The following PTPRD variants were observed in gnomAD, a reference collection of about 807,000 sequenced individuals.
PTPRD encodes the protein receptor-type tyrosine-protein phosphatase delta.
PTPRD carries 34 observed loss-of-function variants against 214.5 expected under a neutral mutation model. The ratio of observed to expected loss-of-function variants is 0.16; its 90% CI spans 0.12 to 0.21. The LOEUF (loss-of-function observed/expected upper bound fraction) is 0.21. Ranked by LOEUF, PTPRD falls within the 10% of genes least tolerant of loss-of-function variation. The pLI is 1.00. For missense variants in PTPRD, 2,545 were observed against 2,398.7 expected, an observed-to-expected ratio of 1.06 and a Z score of -1.27; for synonymous variants, 1,128 against 845.7, an observed-to-expected ratio of 1.33 and a Z score of -5.79.
intron 31 of PTPRD, among the ~76,000 whole-genome samples, chr9:8,468,227 G>A (rs980300709): frequency 3.3e-5 from 5 of 151,992 alleles, no homozygotes; most frequent in African/African-American, 1.2e-4. Context: ...AATCTCTGCA[G>A]GATGCTTCCT....
At position 8,981,551 on chromosome 9, in the gene PTPRD, G is replaced by C. The variant is rs565298837; in HGVS notation, c.-104+37146C>G. ...CTACTTGGCTAGGAATCTTTGTGGA[G>C]TGAAAGTGGTGCAACTGTATGTGGC... is the stretch of plus-strand genomic sequence containing the variant. On this transcript the variant is annotated intron_variant, in intron 11 of 45. Coordinates refer to ENST00000381196, the MANE Select transcript of PTPRD (RefSeq NM_002839.4). 3.3e-5 allele frequency among the ~76,000 whole-genome samples: 5 copies of C among 152,084 alleles called. No homozygotes were observed. In the South Asian group the frequency reaches 1.0e-3, roughly 32 times the overall value.
chr9:8,403,173 G>T (rs914431346), intron 36 of PTPRD, among the ~76,000 whole-genome samples: 1 of 152,162 alleles, frequency 6.6e-6, no homozygotes, highest in Non-Finnish European at 1.5e-5. Flanking sequence ...GAAGCAGGTA[G>T]GAGATGTGGT....
At chr9:8,504,533 C>CAATATATATTTT in intron 22 of PTPRD, 128 bp from the exon 23 acceptor site, 1 of 1,057,292 alleles carries the variant, frequency 9.5e-7, no homozygotes. Context: ...CCAAAAGAGT[C>CAATATATATTTT]AATAGTGAGT....
intron 3 of PTPRD, among the ~76,000 whole-genome samples, chr9:10,157,294 C>T (rs553004029): frequency 2.2e-4 from 34 of 152,306 alleles, no homozygotes; most frequent in Non-Finnish European, 3.7e-4. Flanking sequence ...ATATTTAGCG[C>T]TTCCTTCAGG....
At chr9:9,113,919 C>T (rs1204384296) in intron 10 of PTPRD, among the ~76,000 whole-genome samples, 2 of 152,066 alleles carry the variant, frequency 1.3e-5, no homozygotes, top group African/African-American at 4.8e-5. Flanking sequence ...CCAAAAAATG[C>T]TCTGATATTT....
intron 39 of PTPRD, among the ~76,000 whole-genome samples, chr9:8,354,794 CT>C (rs2076550021): frequency 6.6e-6 from 1 of 152,140 alleles, no homozygotes; most frequent in African/African-American, 2.4e-5. Context: ...GACAGTTTTC[CT>C]TGGAGCTCCC....
intron 34 of PTPRD, among the ~76,000 whole-genome samples, chr9:8,444,030 A>G (rs989027089): frequency 1.3e-5 from 2 of 152,066 alleles, no homozygotes; most frequent in African/African-American, 4.8e-5. Context: ...AGTATTTTGA[A>G]AAGTCTGTAA....
At chr9:9,587,673 C>T (rs567245480) in intron 7 of PTPRD, among the ~76,000 whole-genome samples, 1 of 152,068 alleles carries the variant, frequency 6.6e-6, no homozygotes, top group South Asian at 2.1e-4. Flanking sequence ...ATTTCTAAAC[C>T]AAGTTCCCAG....
chr9:10,598,670 A>G (rs1282788933), intron 2 of PTPRD, among the ~76,000 whole-genome samples: 1,232 of 80,836 alleles, frequency 0.015, 17 homozygotes, highest in Non-Finnish European at 0.02. Context: ...ATTTTTATAT[A>G]TGTATGTGTG....
intron 9 of PTPRD, among the ~76,000 whole-genome samples, chr9:9,337,543 G>T (rs1362656449): frequency 1.3e-5 from 2 of 152,108 alleles, no homozygotes; most frequent in African/African-American, 4.8e-5. Flanking sequence ...AAATGAAAAT[G>T]TTGGTTTAAA....
At chr9:10,427,781 T>C (rs954382622) in intron 2 of PTPRD, among the ~76,000 whole-genome samples, 1 of 152,094 alleles carries the variant, frequency 6.6e-6, no homozygotes, top group Admixed American at 6.6e-5. Flanking sequence ...AAATGTTTGT[T>C]AAAATATTTT....
At chr9:8,714,385 C>T (rs2098407094) in intron 12 of PTPRD, among the ~76,000 whole-genome samples, 1 of 151,998 alleles carries the variant, frequency 6.6e-6, no homozygotes, top group African/African-American at 2.4e-5. Context: ...AGTCATATTC[C>T]TTTGAGCCTT....
intron 10 of PTPRD, among the ~76,000 whole-genome samples, chr9:9,165,051 C>CAAA (rs35703586): frequency 3.7e-4 from 44 of 117,446 alleles, no homozygotes; most frequent in East Asian, 1.3e-3. Flanking sequence ...GACTCCATCT[C>CAAA]AAAAAAAAAA....
intron 4 of PTPRD, among the ~76,000 whole-genome samples, chr9:9,969,168 A>C (rs1239047448): frequency 6.6e-6 from 1 of 152,226 alleles, no homozygotes; most frequent in Non-Finnish European, 1.5e-5. Flanking sequence ...AAATTAGGTG[A>C]AAGGATGAGA....
chr9:8,692,248 G>T (rs1214730365), intron 12 of PTPRD, among the ~76,000 whole-genome samples: 1 of 152,208 alleles, frequency 6.6e-6, no homozygotes, highest in South Asian at 2.1e-4. Context: ...CTCAGTAGCT[G>T]AACACAATAA....
intron 6 of PTPRD, among the ~76,000 whole-genome samples, chr9:9,744,945 CAGAAATCAAT>C (rs2098442575): frequency 6.6e-6 from 1 of 151,908 alleles, no homozygotes; most frequent in African/African-American, 2.4e-5. Flanking sequence ...ATCTACACAT[CAGAAATCAAT>C]AGAAAGCATT....
rs563639197 is a variant in PTPRD, at chr9:9,861,209, C to T, written c.-368+77298G>A. 5.9e-5 allele frequency among the ~76,000 whole-genome samples: 9 copies of T among 152,300 alleles called. No homozygotes were observed. The East Asian group carries it at 1.5e-3, about 26-fold the overall frequency. On this transcript the variant is annotated intron_variant, in intron 5 of 45. Transcript: ENST00000381196. Reference sequence around the variant, plus strand: ...GAGAAGTAAATATTCTATTACCCCACTGAGATACAGTTACTGCAGTGAGAC... The same window carrying T: ...GAGAAGTAAATATTCTATTACCCCATTGAGATACAGTTACTGCAGTGAGAC...
intron 5 of PTPRD, among the ~76,000 whole-genome samples, chr9:9,918,795 C>A (rs1466735543): frequency 1.3e-5 from 2 of 152,062 alleles, no homozygotes; most frequent in African/African-American, 4.8e-5. Context: ...AGAATATTCA[C>A]TGTTGAAAAG....
chr9:9,549,652 C>T (rs1181886932), intron 8 of PTPRD, among the ~76,000 whole-genome samples: 1 of 152,060 alleles, frequency 6.6e-6, no homozygotes, highest in Non-Finnish European at 1.5e-5. Context: ...CATACACATG[C>T]TTCACTGATT....
Sources: gnomAD v4.1 joint callset for allele counts (sites outside exome capture counted in the v4.1 genomes callset) on GRCh38, gnomAD v4.1.1 for gene constraint, MANE v1.5 for transcripts, NCBI Gene and HGNC (gene_info 2026-07-23, HGNC 2026-07-21) for gene names.